PHIP: variants seen among roughly 807,000 people sequenced by gnomAD.
PHIP encodes the protein PHIP subunit of CUL4-Ring ligase complex, also known as PH-interacting protein.
A neutral mutation model predicts 236.8 loss-of-function variants in PHIP; 54 were observed. The observed-to-expected ratio is 0.23, with a 90% CI of 0.18 to 0.29. PHIP has a LOEUF of 0.29. Ranked by LOEUF, PHIP falls within the 10% of genes least tolerant of loss-of-function variation. PHIP has a pLI of 1.00. For missense variants in PHIP, 1,370 were observed against 2,190.8 expected, an observed-to-expected ratio of 0.63 and a Z score of 7.48; for synonymous variants, 756 against 718.9, an observed-to-expected ratio of 1.05 and a Z score of -0.83.
Position 78,985,469 on chromosome 6 carries a change from A to G in PHIP, c.2461-41T>C, listed in dbSNP as rs200128926. On this transcript the variant is annotated intron_variant, in intron 21 of 39. Transcript: ENST00000275034. ...TACATGTCTTATTGCATAATTTTAT[A>G]AAATAACATTTTATGATTACAGAAA... 1.4e-3 allele frequency: 1,382 copies of G among 953,210 alleles called. 3 individuals carry two copies. Among genetic ancestry groups the G allele is most frequent in the Non-Finnish European group, 1.9e-3 (1,115 of 581,490 alleles). 59.0% of individuals were successfully genotyped at this position (953,210 alleles called of 1,614,324 possible). A position where few individuals can be genotyped will look rare whatever the true frequency, so the allele number is the denominator to read the frequency against.
At chr6:79,020,722 C>G (rs1012135737) in intron 9 of PHIP, among the ~76,000 whole-genome samples, 1 of 152,176 alleles carries the variant, frequency 6.6e-6, no homozygotes, top group Non-Finnish European at 1.5e-5. Flanking sequence ...CAACACTGTT[C>G]ACAATAGCGA....
At chr6:79,050,644 C>A (rs1449009648) in intron 6 of PHIP, among the ~76,000 whole-genome samples, 1 of 152,114 alleles carries the variant, frequency 6.6e-6, no homozygotes, top group East Asian at 1.9e-4. Flanking sequence ...ATAACTCAAT[C>A]TACCTCAAGG....
chr6:79,049,075 T>C (rs533025389), intron 6 of PHIP, among the ~76,000 whole-genome samples: 1 of 132,298 alleles, frequency 7.6e-6, no homozygotes, highest in East Asian at 2.1e-4. Context: ...CTAGTTTTAC[T>C]TTTTTTTTTT....
intron 19 of PHIP, among the ~76,000 whole-genome samples, chr6:78,994,387 C>T (rs1769477358): frequency 1.3e-5 from 2 of 152,120 alleles, no homozygotes; most frequent in South Asian, 4.1e-4. Flanking sequence ...ACCATCCTGG[C>T]TAACACAGTG....
chr6:78,968,358 C>G (rs1400608692), intron 27 of PHIP, among the ~76,000 whole-genome samples: 1 of 152,158 alleles, frequency 6.6e-6, no homozygotes, highest in Non-Finnish European at 1.5e-5. Context: ...TACTTATACA[C>G]AGATTTTTCC....
At chr6:78,989,950 C>G (rs985320639) in intron 20 of PHIP, among the ~76,000 whole-genome samples, 1 of 152,006 alleles carries the variant, frequency 6.6e-6, no homozygotes, top group Admixed American at 6.6e-5. Context: ...TTGTGAGGTC[C>G]TACTGATCCC....
At chr6:78,941,380 T>C (rs764001911) in intron 39 of PHIP, 50 bp from the exon 40 acceptor site, 2 of 1,420,794 alleles carry the variant, frequency 1.4e-6, no homozygotes, top group Non-Finnish European at 1.9e-6. Flanking sequence ...TTTTTTTGTT[T>C]GACTCTCAAA....
intron 32 of PHIP, 117 bp from the exon 33 acceptor site, chr6:78,955,799 T>C (rs1367090688): frequency 4.1e-6 from 2 of 492,914 alleles, no homozygotes; most frequent in Non-Finnish European, 7.4e-6. Context: ...GCTTGCTTTC[T>C]TCTCCATTGG....
intron 1 of PHIP, 36 bp downstream of exon 1, chr6:79,077,993 C>T: frequency 6.2e-7 from 1 of 1,606,114 alleles, no homozygotes; most frequent in Admixed American, 1.7e-5. Flanking sequence ...GGCGGAATCG[C>T]CCGGTGCCAG....
intron 24 of PHIP, among the ~76,000 whole-genome samples, chr6:78,975,747 C>A (rs944009326): frequency 4.6e-4 from 70 of 151,926 alleles, no homozygotes; most frequent in Non-Finnish European, 3.7e-4. Flanking sequence ...AACAGAGAGC[C>A]AAATCATGAG....
At chr6:79,000,194 A>C (rs185918435) in intron 17 of PHIP, among the ~76,000 whole-genome samples, 54 of 152,066 alleles carry the variant, frequency 3.6e-4, no homozygotes, top group Admixed American at 1.5e-3. Context: ...TAAGTCTAAA[A>C]TATGACAAAA....
intron 7 of PHIP, among the ~76,000 whole-genome samples, chr6:79,033,117 C>A (rs1160943273): frequency 6.6e-6 from 1 of 151,780 alleles, no homozygotes; most frequent in Non-Finnish European, 1.5e-5. Flanking sequence ...ATTCAGTAAA[C>A]CACGCTATAA....
intron 6 of PHIP, among the ~76,000 whole-genome samples, chr6:79,049,151 C>T (rs1772662449): frequency 6.6e-6 from 1 of 151,988 alleles, no homozygotes; most frequent in Non-Finnish European, 1.5e-5. Flanking sequence ...CAGCCTCCGC[C>T]TCCTGGGTTC....
intron 27 of PHIP, among the ~76,000 whole-genome samples, chr6:78,969,348 A>C (rs1767368984): frequency 6.6e-6 from 1 of 152,344 alleles, no homozygotes; most frequent in African/African-American, 2.4e-5. Flanking sequence ...TACTCTCATA[A>C]GTGGCACATC....
intron 7 of PHIP, among the ~76,000 whole-genome samples, chr6:79,031,695 G>A (rs546294279): frequency 2.0e-5 from 3 of 152,282 alleles, no homozygotes; most frequent in South Asian, 4.1e-4. Context: ...ACTTTAGGAT[G>A]AAGGAAGAAA....
Position 79,015,165 on chromosome 6 carries a change from C to G in PHIP, c.1441G>C (p.Val481Leu), listed in dbSNP as rs1331129163. ...CCATCATGACCAGCAGAAAAGAGAACTCTAGGATCGAACGGGTGTGGTTCA... is the reference window on the plus strand; with the variant it reads ...CCATCATGACCAGCAGAAAAGAGAAGTCTAGGATCGAACGGGTGTGGTTCA... The part of the protein sequence containing the change: ...VLEPHPFDPR[V>L]LFSAGHDGNV... The change falls in exon 15 of 40, where the codon GTT becomes CTT. Residue 481 changes from valine (V) to leucine (L), a missense_variant. Physicochemically the swap from Val to Leu is conservative, Grantham distance 32. This residue lies in a region of PHIP where 188 missense variants were observed against 354.3 expected (regional missense o/e 0.53). Transcript: ENST00000275034. 14 of 1,611,200 alleles carry G rather than the reference C, an allele frequency of 8.7e-6. No individual in the cohort carries two copies. Among genetic ancestry groups the G allele is most frequent in the Non-Finnish European group, 1.1e-5 (13 of 1,177,734 alleles).
At position 78,963,044 on chromosome 6, in the gene PHIP, C is replaced by T. The variant is rs368359153; in HGVS notation, c.3535+53G>A. ...TTGTTGGAGAATAACAGTATTTTTC[C>T]ATTACTTTGTGTTCTGCCAGTTTTT... On this transcript the variant is annotated intron_variant, in intron 30 of 39. Transcript: ENST00000275034. 6.1e-5 allele frequency: 90 copies of T among 1,474,518 alleles called. No homozygotes were observed. The East Asian group carries it at 1.7e-3, about 27-fold the overall frequency. The allele number at this position is 1,474,518 out of a possible 1,614,324, so 91.3% of individuals were successfully genotyped here.
chr6:79,042,074 G>A (rs966753387), intron 7 of PHIP, among the ~76,000 whole-genome samples: 4 of 151,898 alleles, frequency 2.6e-5, no homozygotes, highest in African/African-American at 9.7e-5. Flanking sequence ...TAAAAACCTT[G>A]TGAATGAATG....
intron 35 of PHIP, 69 bp downstream of exon 35, chr6:78,954,745 T>C: frequency 4.4e-6 from 4 of 917,152 alleles, no homozygotes. Context: ...GTAACTAAAA[T>C]AGCCAACTGT....
Sources: gnomAD v4.1 joint callset for allele counts (sites outside exome capture counted in the v4.1 genomes callset) on GRCh38, gnomAD v4.1.1 for gene constraint, gnomAD v4.1.1 regional missense constraint, MANE v1.5 for transcripts, NCBI Gene and HGNC (gene_info 2026-07-23, HGNC 2026-07-21) for gene names.